PADI2: variants seen among roughly 807,000 people sequenced by gnomAD.
PADI2 encodes protein-arginine deiminase type-2.
Under a neutral mutation model 81.1 loss-of-function variants are expected in PADI2, and 70 were observed. That is an observed-to-expected ratio of 0.86 (90% CI 0.71 to 1.05). PADI2 has a LOEUF of 1.05. Ranked by LOEUF, PADI2 falls within the 50% of genes least tolerant of loss-of-function variation. PADI2 has a pLI of 0.00. For synonymous variants in PADI2, 338 were observed against 358.0 expected, an observed-to-expected ratio of 0.94 and a Z score of 0.63; for missense variants, 853 against 889.9, an observed-to-expected ratio of 0.96 and a Z score of 0.53.
chr1:17,090,270 G>T (rs564949058), intron 6 of PADI2, among the ~76,000 whole-genome samples: 1 of 152,198 alleles, frequency 6.6e-6, no homozygotes, highest in South Asian at 2.1e-4. Flanking sequence ...TCCCCACCAC[G>T]ATCCGGGACA....
At position 17,084,640 on chromosome 1, in the gene PADI2, C is replaced by T. The variant is rs1348929634; in HGVS notation, c.897G>A (p.Met299Ile). Reference sequence around the variant, plus strand: ...ACACGGGAGGCAGGATGTTGGGGGTCATGATCCACGGAGCAATCCGGAATA... The same window carrying T: ...ACACGGGAGGCAGGATGTTGGGGGTTATGATCCACGGAGCAATCCGGAATA... ...TVIFRIAPWIMTPNILPPVSV... is the reference protein window; with the variant it reads ...TVIFRIAPWIITPNILPPVSV... The change falls in exon 8 of 16, where the codon ATG (methionine) becomes ATA (isoleucine). Residue 299 changes from methionine to isoleucine, a missense_variant. By Grantham distance (10) the Met-to-Ile change is conservative. Coordinates refer to ENST00000375486, the MANE Select transcript of PADI2 (RefSeq NM_007365.3). 6.3e-7 allele frequency: 1 copy of T among 1,581,770 alleles called. No individual in the cohort carries two copies.
In PADI2 at chr1:17,085,679, G is replaced by A. The variant is rs554604070; in HGVS notation, c.834+842C>T. ...GTTTAATTCATTTGCCTAGTGTCTC[G>A]TGGTGGTTAAACCAGGAGTTGAACC... On this transcript the variant is annotated intron_variant, in intron 7 of 15. Transcript: ENST00000375486. Among the ~76,000 whole-genome samples, 37 of 152,334 alleles carry A rather than the reference G, an allele frequency of 2.4e-4. No individual in the cohort carries two copies. The East Asian group carries it at 2.7e-3, about 11-fold the overall frequency.
rs904648320 is a variant in PADI2 at position 17,115,715 on chromosome 1, A to G, written c.92+3565T>C. Among the ~76,000 whole-genome samples the G allele has an allele frequency of 6.6e-6, 1 of 152,220 alleles. No individual in the cohort carries two copies. The highest frequency in any genetic ancestry group is 1.5e-5 in the Non-Finnish European group (1 of 68,026). On this transcript the variant is annotated intron_variant, in intron 1 of 15. Coordinates refer to ENST00000375486, the MANE Select transcript of PADI2 (RefSeq NM_007365.3). This position sits in a 1 kb window ranked among gnomAD's most constrained non-coding sequence, Gnocchi z 4.1. ...GGGACCCAGGCCAGCCCCACTGAAG[A>G]AGTGACTGTCGGCTAAAGGGACCAC...
At chr1:17,114,289 C>T (rs1404897830) in intron 1 of PADI2, among the ~76,000 whole-genome samples, 4 of 152,220 alleles carry the variant, frequency 2.6e-5, no homozygotes, top group Admixed American at 6.5e-5. Flanking sequence ...TTCATTCATT[C>T]GTTCATTCAT....
chr1:17,086,575 C>T lies in PADI2; in HGVS notation c.780G>A (p.Glu260=). The change falls in exon 7 of 16, where the codon GAG becomes GAA. Residue 260 remains glutamate (E), a synonymous_variant. Transcript: ENST00000375486. ...FFVEGLCFPD[E]GFSGLVSIHV... ...GGATGGAGACCAGGCCTGAGAAGCCCTCGTCGGGGAAACAGAGGCCTTCCA... is the reference window on the plus strand; with the variant it reads ...GGATGGAGACCAGGCCTGAGAAGCCTTCGTCGGGGAAACAGAGGCCTTCCA... 1 of 1,614,030 alleles carries T rather than the reference C, an allele frequency of 6.2e-7. No homozygotes were observed. The highest frequency in any genetic ancestry group is 8.5e-7 in the Non-Finnish European group (1 of 1,179,956).
intron 6 of PADI2, among the ~76,000 whole-genome samples, chr1:17,087,079 A>G (rs1270955078): frequency 6.6e-6 from 1 of 152,340 alleles, no homozygotes; most frequent in East Asian, 1.9e-4. Context: ...TGGCTTGTCC[A>G]AAGTCAGACA....
chr1:17,092,402 A>C lies in PADI2; in HGVS notation c.655+6T>G. On this transcript the variant is annotated splice_donor_region_variant and intron_variant, in intron 6 of 15. Coordinates refer to ENST00000375486, the MANE Select transcript of PADI2 (RefSeq NM_007365.3). ...GTCTAGGCTGGACTGGGCTGGGATC[A>C]CTCACTCTCCACGTAGAACACGCCC... 1.3e-6 allele frequency: 2 copies of C among 1,599,022 alleles called. No individual in the cohort carries two copies. The highest frequency in any genetic ancestry group is 1.7e-6 in the Non-Finnish European group (2 of 1,173,112).
intron 14 of PADI2, among the ~76,000 whole-genome samples, chr1:17,070,976 T>C (rs891977476): frequency 5.3e-5 from 8 of 151,858 alleles, no homozygotes; most frequent in African/African-American, 1.9e-4. Flanking sequence ...TTTTTATTTA[T>C]TTTTTTTGTA....
intron 10 of PADI2, among the ~76,000 whole-genome samples, chr1:17,082,132 A>G (rs1172289981): frequency 1.3e-5 from 2 of 152,064 alleles, no homozygotes; most frequent in Non-Finnish European, 2.9e-5. Context: ...ACACATACAC[A>G]CGCACCAAAA....
intron 13 of PADI2, among the ~76,000 whole-genome samples, chr1:17,074,178 G>A (rs1353409725): frequency 2.0e-5 from 3 of 151,848 alleles, no homozygotes. Context: ...GATCACCTGA[G>A]GACAGGAGTT....
Position 17,068,762 on chromosome 1 carries a change from G to A in PADI2, c.*282C>T, listed in dbSNP as rs574410152. ...TCTTTGGGGAGCAGTTTGGGCACAT[G>A]GTTTGCTGTGTTTTGTTGTGTTCTG... On this transcript the variant is annotated 3_prime_UTR_variant, in exon 16 of 16. Coordinates refer to ENST00000375486, the MANE Select transcript of PADI2 (RefSeq NM_007365.3). 30 of 431,212 alleles carry A rather than the reference G, an allele frequency of 7.0e-5. No individual in the cohort carries two copies. The highest frequency in any genetic ancestry group is 5.1e-4 in the African/African-American group (26 of 50,512). The allele number at this position is 431,212 out of a possible 1,614,324, so 26.7% of individuals were successfully genotyped here. A position where few individuals can be genotyped will look rare whatever the true frequency, so the allele number is the denominator to read the frequency against.
At position 17,083,713 on chromosome 1, in the gene PADI2, C is replaced by A. The variant is rs776843748; in HGVS notation, c.1050+13G>T. 3.8e-6 allele frequency: 6 copies of A among 1,560,460 alleles called. No homozygotes were observed. The Admixed American group carries it at 1.0e-4, about 26-fold the overall frequency. On this transcript the variant is annotated intron_variant, in intron 9 of 15. Transcript: ENST00000375486. ...GGGCCATGTCCTTCCCAGCCTGGAC[C>A]TGGGCTCCTTACCTGGATCCAGCGA...
At chr1:17,102,895 C>T (rs527824835) in intron 3 of PADI2, 92 bp downstream of exon 3, 23 of 901,176 alleles carry the variant, frequency 2.6e-5, no homozygotes, top group Admixed American at 8.0e-5. Flanking sequence ...CCAGGTCAGC[C>T]GCACTGAGAA....
Position 17,093,607 on chromosome 1 carries a change from G to A in PADI2, c.489C>T (p.Pro163=), listed in dbSNP as rs1930788816. 6.2e-7 allele frequency: 1 copy of A among 1,613,834 alleles called. No individual in the cohort carries two copies. The highest frequency in any genetic ancestry group is 1.7e-5 in the Admixed American group (1 of 59,996). ...VNCDRETPWL[P]KEDCRDEKVY... ...CCTTCTCATCACGGCAGTCCTCCTT[G>A]GGCAACCAGGGTGTCTCTCGGTCAC... is the stretch of plus-strand genomic sequence containing the variant. Residue 163 remains proline (P), a synonymous_variant, in exon 5 of 16, where the codon CCC becomes CCT. Transcript: ENST00000375486.
chr1:17,108,541 A>G (rs1451800369), intron 1 of PADI2, among the ~76,000 whole-genome samples: 1 of 151,936 alleles, frequency 6.6e-6, no homozygotes, highest in African/African-American at 2.4e-5. Flanking sequence ...GGCCTCTCCC[A>G]TCTTCATTCT....
intron 6 of PADI2, among the ~76,000 whole-genome samples, chr1:17,087,439 G>A (rs1256557316): frequency 1.3e-5 from 2 of 152,082 alleles, no homozygotes; most frequent in African/African-American, 4.8e-5. Flanking sequence ...TCTGTTTGGA[G>A]CTCCCACAGC....
intron 11 of PADI2, among the ~76,000 whole-genome samples, chr1:17,076,373 C>T (rs1306596246): frequency 6.6e-6 from 1 of 152,092 alleles, no homozygotes; most frequent in Non-Finnish European, 1.5e-5. Context: ...TGCCACCACG[C>T]CCGGCTAATT....
Position 17,069,258 on chromosome 1 carries a change from T to TGA in PADI2, c.1783_1784insTC (p.Asp595ValfsTer85). 2 of 1,614,130 alleles carry TGA rather than the reference T, an allele frequency of 1.2e-6. No homozygotes were observed. The highest frequency in any genetic ancestry group is 1.7e-6 in the Non-Finnish European group (2 of 1,179,952). On this transcript the variant is annotated frameshift_variant, in exon 16 of 16. Transcript: ENST00000375486. LOFTEE classifies it high-confidence loss of function. ...TGGCTTGGGGATGCCCAGGTCCTTG[T>TGA]CCAGCACGATCATGTTCACCTGTGA...
intron 11 of PADI2, among the ~76,000 whole-genome samples, chr1:17,077,258 T>C (rs2101576810): frequency 6.6e-6 from 1 of 152,318 alleles, no homozygotes; most frequent in Middle Eastern, 3.4e-3. Context: ...TGTATCAGCA[T>C]TCAGAATTAT....
Sources: allele counts gnomAD v4.1 joint callset (sites outside exome capture counted in the v4.1 genomes callset), GRCh38; gene constraint gnomAD v4.1.1; non-coding constraint Gnocchi (gnomAD v3.1); transcripts MANE v1.5; gene names NCBI Gene and HGNC (gene_info 2026-07-23, HGNC 2026-07-21).